The following CRB1 variants were observed in gnomAD, a reference collection of about 807,000 sequenced individuals.
CRB1 encodes crumbs cell polarity complex component 1, also known as protein crumbs homolog 1.
A neutral mutation model predicts 120.0 loss-of-function variants in CRB1; 83 were observed. The observed-to-expected ratio is 0.69, with a 90% CI of 0.58 to 0.83. The LOEUF is 0.83. Ranked by LOEUF, CRB1 falls within the 40% of genes least tolerant of loss-of-function variation. The pLI is 0.00. For synonymous variants in CRB1, 625 were observed against 612.5 expected, an observed-to-expected ratio of 1.02 and a Z score of -0.30; for missense variants, 1,699 against 1,687.6, an observed-to-expected ratio of 1.01 and a Z score of -0.12.
intron 9 of CRB1, 125 bp downstream of exon 9, chr1:197,435,737 T>A: frequency 1.2e-6 from 1 of 837,958 alleles, no homozygotes; most frequent in South Asian, 1.5e-5. Flanking sequence ...GTGACACTGG[T>A]AGCTTCTGTC....
In CRB1 at chr1:197,462,403, GT is replaced by G. The variant is rs1245458045; in HGVS notation, c.4006-15257del. Among the ~76,000 whole-genome samples the G allele has an allele frequency of 3.3e-5, 5 of 151,904 alleles. No homozygotes were observed. In the South Asian group the frequency reaches 8.4e-4, roughly 26 times the overall value. ...AGGAAATATAAGCTCCTTTAAAATG[GT>G]TTTGAAACTTAGTGTCTCAAAAGGA... On this transcript the variant is annotated intron_variant, in intron 11 of 11. Coordinates refer to ENST00000367400, the MANE Select transcript of CRB1 (RefSeq NM_201253.3).
intron 5 of CRB1, among the ~76,000 whole-genome samples, chr1:197,416,715 T>C (rs1289246983): frequency 6.6e-6 from 1 of 152,124 alleles, no homozygotes; most frequent in Non-Finnish European, 1.5e-5. Flanking sequence ...TTATTTTATT[T>C]ATTTATTATT....
the CRB1 span, among the ~76,000 whole-genome samples, chr1:197,243,909 T>C: frequency 1.3e-5 from 2 of 152,182 alleles, no homozygotes; most frequent in African/African-American, 4.8e-5. Context: ...GTTGCATTGA[T>C]CTCTTCACTA....
chr1:197,226,105 C>A, the CRB1 span, among the ~76,000 whole-genome samples: 1 of 152,114 alleles, frequency 6.6e-6, no homozygotes, highest in South Asian at 2.1e-4. Flanking sequence ...GATGGGGTTT[C>A]GCCATGTTGC....
chr1:197,335,793 G>A (rs1022393235), intron 2 of CRB1, among the ~76,000 whole-genome samples: 1 of 152,158 alleles, frequency 6.6e-6, no homozygotes. Flanking sequence ...CACCTCGCCC[G>A]GCCCCTATCA....
the CRB1 span, among the ~76,000 whole-genome samples, chr1:197,227,374 A>T: frequency 2.6e-5 from 4 of 151,752 alleles, no homozygotes; most frequent in African/African-American, 9.7e-5. Context: ...AAGGGTAGTC[A>T]AATTCTTTTT....
In CRB1 at chr1:197,392,902, G is replaced by A. The variant is rs184411173; in HGVS notation, c.1172-28098G>A. On this transcript the variant is annotated intron_variant, in intron 5 of 11. Transcript: ENST00000367400. ...AGCTGCCACAACAGTGCCCAAGTAG[G>A]GAATCAGCTTATAAATGCAGGTAGC... is the stretch of plus-strand genomic sequence containing the variant. Among the ~76,000 whole-genome samples the A allele has an allele frequency of 2.6e-5, 4 of 152,156 alleles. No individual in the cohort carries two copies. The East Asian group carries it at 7.7e-4, about 29-fold the overall frequency.
At chr1:197,308,145 G>T (rs894548760) in intron 1 of CRB1, among the ~76,000 whole-genome samples, 4 of 152,170 alleles carry the variant, frequency 2.6e-5, no homozygotes, top group African/African-American at 9.7e-5. Context: ...AACATGGATG[G>T]AGCTGGAGGC....
the CRB1 span, among the ~76,000 whole-genome samples, chr1:197,203,181 A>G: frequency 1.3e-5 from 2 of 152,204 alleles, no homozygotes; most frequent in African/African-American, 4.8e-5. Context: ...TAAAAATCTC[A>G]AGCAAGGATT....
At chr1:197,408,388 A>T (rs1023960888) in intron 5 of CRB1, among the ~76,000 whole-genome samples, 60 of 152,206 alleles carry the variant, frequency 3.9e-4, no homozygotes, top group African/African-American at 1.2e-3. Context: ...TTATTCTACT[A>T]AAATATATTT....
intron 5 of CRB1, chr1:197,414,138 G>T: frequency 4.7e-5 from 12 of 256,470 alleles, no homozygotes; most frequent in East Asian, 2.1e-4. Context: ...AAGGAAAAGT[G>T]GATATATTTA....
intron 5 of CRB1, among the ~76,000 whole-genome samples, chr1:197,403,063 G>T (rs1170236580): frequency 1.3e-5 from 2 of 152,114 alleles, no homozygotes; most frequent in African/African-American, 4.8e-5. Context: ...TGAAAATAAT[G>T]TAGTATTCTA....
chr1:197,377,801 C>T (rs1318051742), intron 5 of CRB1, among the ~76,000 whole-genome samples: 1 of 151,926 alleles, frequency 6.6e-6, no homozygotes, highest in African/African-American at 2.4e-5. Context: ...AAAAATGAAA[C>T]CTTTTTTTAT....
chr1:197,397,060 T>C (rs1662808502), intron 5 of CRB1, among the ~76,000 whole-genome samples: 1 of 152,038 alleles, frequency 6.6e-6, no homozygotes, highest in Non-Finnish European at 1.5e-5. Context: ...CATATTGATA[T>C]TCAGAATATT....
intron 2 of CRB1, among the ~76,000 whole-genome samples, chr1:197,332,480 G>A (rs1300790712): frequency 6.6e-6 from 1 of 152,022 alleles, no homozygotes; most frequent in Non-Finnish European, 1.5e-5. Flanking sequence ...CTTGAAAACA[G>A]AATTTAAACA....
Position 197,478,378 on chromosome 1 carries a change from T to C in CRB1, c.*499T>C, listed in dbSNP as rs1184504208. ...GATGTATACTTTTGTCCTTCATTCA[T>C]GGATTCAGAGAAAGCTCTGGGAATG... On this transcript the variant is annotated 3_prime_UTR_variant, in exon 12 of 12. Coordinates refer to ENST00000367400, the MANE Select transcript of CRB1 (RefSeq NM_201253.3). 1 of 167,038 alleles carries C rather than the reference T, an allele frequency of 6.0e-6. No individual in the cohort carries two copies. 10.3% of individuals were successfully genotyped at this position (167,038 alleles called of 1,614,324 possible). A position where few individuals can be genotyped will look rare whatever the true frequency, so the allele number is the denominator to read the frequency against.
At chr1:197,262,057 C>T in the CRB1 span, among the ~76,000 whole-genome samples, 6 of 152,138 alleles carry the variant, frequency 3.9e-5, no homozygotes, top group Non-Finnish European at 8.8e-5. Context: ...ATCTGCTCAC[C>T]AGAGTTTAAT....
At chr1:197,360,885 T>TA (rs1660734223) in intron 5 of CRB1, among the ~76,000 whole-genome samples, 1 of 152,236 alleles carries the variant, frequency 6.6e-6, no homozygotes, top group Non-Finnish European at 1.5e-5. Flanking sequence ...CTTTTACCAT[T>TA]AGCTATGAAT....
the CRB1 span, among the ~76,000 whole-genome samples, chr1:197,235,839 T>A: frequency 1.3e-5 from 2 of 152,224 alleles, no homozygotes; most frequent in African/African-American, 4.8e-5. Flanking sequence ...GATCCAAGGA[T>A]CATTTTGAGA....
Sources: allele counts gnomAD v4.1 joint callset (sites outside exome capture counted in the v4.1 genomes callset), GRCh38; gene constraint gnomAD v4.1.1; transcripts MANE v1.5; gene names NCBI Gene and HGNC (gene_info 2026-07-23, HGNC 2026-07-21).